Variants in SMIM45 observed in about 807,000 individuals in gnomAD.
The protein encoded by SMIM45 is long intergenic non-protein coding RNA 634.
the SMIM45 span, chr22:41,958,398 CG>C: frequency 2.2e-6 from 1 of 456,442 alleles, no homozygotes; most frequent in Admixed American, 2.3e-5. Flanking sequence ...AGCCGCACCC[CG>C]CGGGGCTCAG....
the SMIM45 span, among the ~76,000 whole-genome samples, chr22:41,957,442 T>C: frequency 6.6e-6 from 1 of 151,352 alleles, no homozygotes; most frequent in Non-Finnish European, 1.5e-5. Flanking sequence ...GACCTCGTGA[T>C]CCGCCCACTT....
At chr22:41,947,827 A>G in the SMIM45 span, among the ~76,000 whole-genome samples, 2 of 150,982 alleles carry the variant, frequency 1.3e-5, no homozygotes, top group African/African-American at 4.9e-5. Flanking sequence ...CACCATGGGG[A>G]TCTGGCCATG....
the SMIM45 span, chr22:41,958,483 GGAGAGAGA>G: frequency 3.4e-5 from 12 of 355,988 alleles, no homozygotes; most frequent in Middle Eastern, 9.2e-4. Flanking sequence ...GGGTTGGTGA[GGAGAGAGA>G]GAGAGAGAGA....
chr22:41,951,266 C>T, the SMIM45 span, among the ~76,000 whole-genome samples: 1 of 152,264 alleles, frequency 6.6e-6, no homozygotes, highest in Non-Finnish European at 1.5e-5. Context: ...TAGCCCTCAA[C>T]ACGTGGCAGA....
the SMIM45 span, among the ~76,000 whole-genome samples, chr22:41,953,024 G>C: frequency 3.9e-5 from 6 of 152,146 alleles, no homozygotes; most frequent in African/African-American, 1.4e-4. Flanking sequence ...AAGGCAGCTG[G>C]TTAAAAGGTG....
chr22:41,948,998 G>C, the SMIM45 span, among the ~76,000 whole-genome samples: 4 of 152,180 alleles, frequency 2.6e-5, no homozygotes, highest in Non-Finnish European at 5.9e-5. Context: ...TTGGGAGGCA[G>C]AGGTTGCAGT....
chr22:41,956,503 G>T, the SMIM45 span, among the ~76,000 whole-genome samples: 1 of 152,324 alleles, frequency 6.6e-6, no homozygotes. Flanking sequence ...CGTGCAGGTG[G>T]CTGGGAGACC....
chr22:41,954,868 A>T, the SMIM45 span, among the ~76,000 whole-genome samples: 1 of 152,108 alleles, frequency 6.6e-6, no homozygotes, highest in Non-Finnish European at 1.5e-5. Flanking sequence ...CTACCTGGGC[A>T]TGGTGGCAGA....
chr22:41,957,249 A>G, the SMIM45 span, among the ~76,000 whole-genome samples: 1 of 131,012 alleles, frequency 7.6e-6, no homozygotes, highest in African/African-American at 3.0e-5. Flanking sequence ...GCTGGAGTGC[A>G]GTGGCACGAT....
At chr22:41,958,490 G>C in the SMIM45 span, 1 of 409,074 alleles carries the variant, frequency 2.4e-6, no homozygotes. Context: ...TGAGGAGAGA[G>C]AGAGAGAGAG....
chr22:41,955,881 A>G, the SMIM45 span, among the ~76,000 whole-genome samples: 1 of 152,098 alleles, frequency 6.6e-6, no homozygotes, highest in Admixed American at 6.6e-5. Context: ...ACAGATAAGG[A>G]AACTGAGGCT....
the SMIM45 span, chr22:41,947,226 C>T: frequency 1.5e-6 from 1 of 657,776 alleles, no homozygotes; most frequent in Non-Finnish European, 2.7e-6. Context: ...AGGAACCGAA[C>T]CTTTATCTCC....
chr22:41,956,364 GT>G, the SMIM45 span, among the ~76,000 whole-genome samples: 1 of 152,206 alleles, frequency 6.6e-6, no homozygotes, highest in South Asian at 2.1e-4. Context: ...TTGCCCAAGT[GT>G]TTTGGTGCTA....
At chr22:41,952,490 G>T in the SMIM45 span, 1 of 152,300 alleles carries the variant, frequency 6.6e-6, no homozygotes, top group African/African-American at 2.4e-5. Context: ...GAGGGGCTCT[G>T]CAAACTCACA....
At chr22:41,954,884 G>A in the SMIM45 span, among the ~76,000 whole-genome samples, 1 of 152,156 alleles carries the variant, frequency 6.6e-6, no homozygotes, top group Non-Finnish European at 1.5e-5. Flanking sequence ...GCAGATGCCT[G>A]TAATCCCAGC....
chr22:41,957,139 G>A, the SMIM45 span, among the ~76,000 whole-genome samples: 1 of 146,798 alleles, frequency 6.8e-6, no homozygotes, highest in African/African-American at 2.5e-5. Flanking sequence ...GGATAGCTCT[G>A]TGCTTGCCCA....
chr22:41,947,175 C>G, the SMIM45 span: 4 of 1,179,860 alleles, frequency 3.4e-6, no homozygotes, highest in East Asian at 1.0e-4. Flanking sequence ...CACGTGCCTC[C>G]TTATAGGCGG....
At chr22:41,958,541 GATGTGTAT>G in the SMIM45 span, 1 of 373,086 alleles carries the variant, frequency 2.7e-6, no homozygotes, top group Non-Finnish European at 5.3e-6. Context: ...GGGGAGATGA[GATGTGTAT>G]ATGTGAGAGA....
At chr22:41,948,690 G>T in the SMIM45 span, among the ~76,000 whole-genome samples, 1 of 152,140 alleles carries the variant, frequency 6.6e-6, no homozygotes, top group African/African-American at 2.4e-5. Flanking sequence ...GACCGAGGCG[G>T]GTGAATCACT....
Sources: allele counts gnomAD v4.1 joint callset (sites outside exome capture counted in the v4.1 genomes callset), GRCh38; gene constraint gnomAD v4.1.1; transcripts MANE v1.5; gene names NCBI Gene and HGNC (gene_info 2026-07-23, HGNC 2026-07-21).